Variants in LRRTM4 observed in about 807,000 individuals in gnomAD.
The protein encoded by LRRTM4 is leucine rich repeat transmembrane neuronal 4.
In LRRTM4, 25 loss-of-function variants were observed where a neutral mutation model predicts 47.6. The ratio of observed to expected loss-of-function variants is 0.53; its 90% CI spans 0.38 to 0.73. The LOEUF is 0.73. Among genes scored for constraint, LRRTM4 ranks in the 30% least tolerant of loss-of-function variants. The pLI is 0.00. For synonymous variants in LRRTM4, 311 were observed against 269.5 expected, an observed-to-expected ratio of 1.15 and a Z score of -1.51; for missense variants, 638 against 713.4, an observed-to-expected ratio of 0.89 and a Z score of 1.20.
chr2:77,323,215 C>T (rs977250653), intron 3 of LRRTM4, among the ~76,000 whole-genome samples: 1 of 152,026 alleles, frequency 6.6e-6, no homozygotes, highest in Admixed American at 6.5e-5. Context: ...AAAGTTATTC[C>T]AAACAGATTA....
intron 3 of LRRTM4, among the ~76,000 whole-genome samples, chr2:77,481,821 T>C (rs1327107692): frequency 6.6e-6 from 1 of 152,138 alleles, no homozygotes; most frequent in Non-Finnish European, 1.5e-5. Context: ...AGCTTTAGGT[T>C]AACTTATTTC....
intron 3 of LRRTM4, chr2:77,517,343 CCT>C: frequency 1.0e-6 from 1 of 983,194 alleles, no homozygotes; most frequent in Non-Finnish European, 1.2e-6. Flanking sequence ...AGAACTCAAA[CCT>C]CTCTCCTTTT....
chr2:77,514,057 AAC>A (rs927537471), intron 3 of LRRTM4, among the ~76,000 whole-genome samples: 22 of 151,346 alleles, frequency 1.5e-4, no homozygotes, highest in African/African-American at 4.8e-4. Context: ...CACACACACA[AAC>A]ACACACACAC....
At chr2:76,787,321 C>A (rs1674727871) in intron 3 of LRRTM4, among the ~76,000 whole-genome samples, 1 of 152,068 alleles carries the variant, frequency 6.6e-6, no homozygotes, top group African/African-American at 2.4e-5. Context: ...CCTGCTATTA[C>A]TGGCAACTTC....
chr2:77,180,208 C>A (rs185385470), intron 3 of LRRTM4, among the ~76,000 whole-genome samples: 1 of 152,106 alleles, frequency 6.6e-6, no homozygotes, highest in Non-Finnish European at 1.5e-5. Flanking sequence ...GGAATTACAA[C>A]TTTGACAGCA....
chr2:77,057,069 T>C (rs567450519), intron 3 of LRRTM4, among the ~76,000 whole-genome samples: 1 of 152,362 alleles, frequency 6.6e-6, no homozygotes, highest in African/African-American at 2.4e-5. Flanking sequence ...GACAGAGTAC[T>C]GTATGGTCTA....
chr2:77,415,057 T>C (rs1457965457), intron 3 of LRRTM4, among the ~76,000 whole-genome samples: 1 of 152,162 alleles, frequency 6.6e-6, no homozygotes, highest in Non-Finnish European at 1.5e-5. Flanking sequence ...GGAGTAAATA[T>C]TGATTATAAT....
intron 3 of LRRTM4, among the ~76,000 whole-genome samples, chr2:76,813,672 T>C (rs1286090511): frequency 6.6e-6 from 1 of 152,160 alleles, no homozygotes; most frequent in Non-Finnish European, 1.5e-5. Context: ...AGTTTTGTAT[T>C]AGGACTGATT....
rs774073236 is a variant in LRRTM4, at chr2:76,853,790, A to G, written c.1552-104874T>C. On this transcript the variant is annotated intron_variant, in intron 3 of 3. Coordinates refer to ENST00000409884, the MANE Select transcript of LRRTM4 (RefSeq NM_001134745.3). ...GAGGGCAAAGAAACAACACATACAG[A>G]ATTGTGTTTTTCTGTAAGAACAAAT... Among the ~76,000 whole-genome samples the G allele has an allele frequency of 2.6e-5, 4 of 152,150 alleles. No homozygotes were observed. The South Asian group carries it at 6.2e-4, about 24-fold the overall frequency.
At chr2:76,754,748 A>G (rs115079591) in intron 3 of LRRTM4, among the ~76,000 whole-genome samples, 2 of 152,266 alleles carry the variant, frequency 1.3e-5, no homozygotes, top group African/African-American at 4.8e-5. Context: ...CTTGACCACT[A>G]TAACACAGTG....
chr2:77,270,506 C>T (rs534967623), intron 3 of LRRTM4, among the ~76,000 whole-genome samples: 1 of 152,224 alleles, frequency 6.6e-6, no homozygotes, highest in South Asian at 2.1e-4. Flanking sequence ...GGAATTAACA[C>T]CTACTAGGGT....
At chr2:77,197,909 C>A (rs1673873309) in intron 3 of LRRTM4, among the ~76,000 whole-genome samples, 1 of 152,110 alleles carries the variant, frequency 6.6e-6, no homozygotes, top group Non-Finnish European at 1.5e-5. Context: ...TTATATCAAC[C>A]AGGGGAAAAA....
At chr2:77,341,714 T>C (rs955939711) in intron 3 of LRRTM4, among the ~76,000 whole-genome samples, 3 of 152,004 alleles carry the variant, frequency 2.0e-5, no homozygotes, top group African/African-American at 7.2e-5. Flanking sequence ...TAATTTCTTT[T>C]TGGGGAAAAC....
chr2:77,465,365 T>C (rs1676944359), intron 3 of LRRTM4, among the ~76,000 whole-genome samples: 1 of 152,144 alleles, frequency 6.6e-6, no homozygotes, highest in Admixed American at 6.6e-5. Context: ...TTGTGTGAAA[T>C]GAAAGTTGAT....
intron 3 of LRRTM4, among the ~76,000 whole-genome samples, chr2:76,780,546 C>A (rs141309569): frequency 1.3e-5 from 2 of 151,656 alleles, no homozygotes; most frequent in African/African-American, 2.4e-5. Context: ...TCCAGTTGAT[C>A]GCATCGGCTC....
chr2:76,928,089 A>G (rs1674647995), intron 3 of LRRTM4, among the ~76,000 whole-genome samples: 3 of 152,154 alleles, frequency 2.0e-5, no homozygotes, highest in African/African-American at 7.2e-5. Context: ...GCTTTACATG[A>G]GACATATAAT....
At chr2:76,937,427 C>T (rs1331458933) in intron 3 of LRRTM4, among the ~76,000 whole-genome samples, 1 of 152,194 alleles carries the variant, frequency 6.6e-6, no homozygotes, top group African/African-American at 2.4e-5. Flanking sequence ...TCAGTCTGGT[C>T]ATCCTTCACT....
At chr2:76,912,763 T>C (rs1231157944) in intron 3 of LRRTM4, among the ~76,000 whole-genome samples, 3 of 152,050 alleles carry the variant, frequency 2.0e-5, no homozygotes, top group African/African-American at 7.2e-5. Flanking sequence ...CTCGGGATAG[T>C]GAGTTATTGT....
In LRRTM4 at chr2:77,075,099, A is replaced by G. The variant is rs377552457; in HGVS notation, c.1552-326183T>C. 3.6e-4 allele frequency among the ~76,000 whole-genome samples: 55 copies of G among 152,322 alleles called. 1 individual carries two copies. In the East Asian group the frequency reaches 4.2e-3, roughly 12 times the overall value. Reference sequence around the variant, plus strand: ...AGATTTATTTTATTTTATTGTCATCAATAATGCTTTCCTACATAGTAGATA... The same window carrying G: ...AGATTTATTTTATTTTATTGTCATCGATAATGCTTTCCTACATAGTAGATA... On this transcript the variant is annotated intron_variant, in intron 3 of 3. Coordinates refer to ENST00000409884, the MANE Select transcript of LRRTM4 (RefSeq NM_001134745.3).
Sources: allele counts gnomAD v4.1 joint callset (sites outside exome capture counted in the v4.1 genomes callset), GRCh38; gene constraint gnomAD v4.1.1; transcripts MANE v1.5; gene names NCBI Gene and HGNC (gene_info 2026-07-23, HGNC 2026-07-21).